Variants in PJVK observed in about 807,000 individuals in gnomAD.
PJVK encodes autosomal recessive deafness type 59 protein.
A neutral mutation model predicts 37.6 loss-of-function variants in PJVK; 33 were observed. That is an observed-to-expected ratio of 0.88 (90% CI 0.67 to 1.17). PJVK has a LOEUF of 1.17. Among genes scored for constraint, PJVK ranks in the 50% most tolerant of loss-of-function variants. The pLI is 0.00. For missense variants in PJVK, 410 were observed against 413.8 expected (o/e 0.99, Z 0.08); for synonymous variants, 141 against 143.5 (o/e 0.98, Z 0.13).
chr2:178,452,096 C>G (rs1268998818), intron 1 of PJVK, among the ~76,000 whole-genome samples: 2 of 151,974 alleles, frequency 1.3e-5, no homozygotes, highest in African/African-American at 4.8e-5. Flanking sequence ...AGTTCGAGAC[C>G]AGCCTGGCCA....
rs1284729307 is a variant in PJVK, at chr2:178,453,459, G to A, written c.50G>A (p.Gly17Glu). Residue 17 changes from glycine (G) to glutamate (E), a missense_variant, in exon 2 of 7, where the codon GGG becomes GAG. By Grantham distance (98) the Gly-to-Glu change is moderately conservative (BLOSUM62 -2). Coordinates refer to ENST00000644580, the MANE Select transcript of PJVK (RefSeq NM_001042702.5). ...KSFVKQVGDG[G>E]RLVPVPSLSE... ...TTTGTCAAGCAAGTTGGAGATGGAG[G>A]GAGATTAGTTCCTGTTCCAAGCCTC... 1 of 1,614,112 alleles carries A rather than the reference G, an allele frequency of 6.2e-7. No individual in the cohort carries two copies. Among genetic ancestry groups the A allele is most frequent in the Admixed American group, 1.7e-5 (1 of 60,024 alleles).
Position 178,451,629 on chromosome 2 carries a change from A to T in PJVK, c.-163A>T, listed in dbSNP as rs1697666722. ...CTGAAGCTTGAGACCCCGGATATAT[A>T]CGCTCCAGGGGGCTGCGGTGCGCTC... On this transcript the variant is annotated 5_prime_UTR_variant, in exon 1 of 7. Coordinates refer to ENST00000644580, the MANE Select transcript of PJVK (RefSeq NM_001042702.5). The T allele has an allele frequency of 5.0e-6, 1 of 200,124 alleles. No homozygotes were observed. The highest frequency in any genetic ancestry group is 1.9e-4 in the East Asian group (1 of 5,342). The allele number at this position is 200,124 out of a possible 1,614,324, so 12.4% of individuals were successfully genotyped here. A position where few individuals can be genotyped will look rare whatever the true frequency, so the allele number is the denominator to read the frequency against.
chr2:178,452,547 T>A (rs1261789743), intron 1 of PJVK: 1 of 985,310 alleles, frequency 1.0e-6, no homozygotes, highest in African/African-American at 1.7e-5. Flanking sequence ...ATAACACCTA[T>A]GGCAAAACAT....
intron 3 of PJVK, chr2:178,455,247 A>G: frequency 6.5e-7 from 1 of 1,534,632 alleles, no homozygotes; most frequent in East Asian, 2.3e-5. Flanking sequence ...ATTAACCCTG[A>G]GAATTCCAAG....
At chr2:178,458,166 G>A (rs1000415039) in intron 4 of PJVK, among the ~76,000 whole-genome samples, 1 of 151,944 alleles carries the variant, frequency 6.6e-6, no homozygotes, top group South Asian at 2.1e-4. Flanking sequence ...TGGTAGACAG[G>A]CTAGGCTGAA....
intron 1 of PJVK, 145 bp downstream of exon 1, chr2:178,451,914 G>T: frequency 1.1e-6 from 1 of 889,746 alleles, no homozygotes; most frequent in Non-Finnish European, 1.3e-6. Context: ...GGCTTGCTAG[G>T]CACTAGCAGA....
intron 6 of PJVK, 134 bp from the exon 7 acceptor site, chr2:178,460,848 C>CAAAAAAA (rs748779811): frequency 6.4e-6 from 2 of 310,292 alleles, no homozygotes; most frequent in Admixed American, 5.9e-5. Flanking sequence ...GACCCTGTCT[C>CAAAAAAA]AAAAAAAAAA....
chr2:178,454,692 T>C, intron 3 of PJVK, 165 bp downstream of exon 3: 3 of 1,477,498 alleles, frequency 2.0e-6, no homozygotes, highest in African/African-American at 1.4e-5. Context: ...TGAATAAGGA[T>C]AGATATCAAA....
intron 3 of PJVK, 116 bp from the exon 4 acceptor site, chr2:178,455,894 G>C: frequency 8.5e-7 from 1 of 1,176,954 alleles, no homozygotes; most frequent in Non-Finnish European, 1.2e-6. Flanking sequence ...TATTAGGATT[G>C]CCTTGATTTA....
At position 178,458,723 on chromosome 2, in the gene PJVK, GT is replaced by G; in HGVS notation, c.667+97del. 1.9e-6 allele frequency: 2 copies of G among 1,032,864 alleles called. 1 individual carries two copies. The highest frequency in any genetic ancestry group is 2.5e-5 in the South Asian group (2 of 78,846). The allele number at this position is 1,032,864 out of a possible 1,614,324, so 64.0% of individuals were successfully genotyped here. ...CTCTCTCTCTTTTCTCTCATTTCTC[GT>G]GTCTAACAATTATAGAAGATGCTCT... On this transcript the variant is annotated intron_variant, in intron 5 of 6. Transcript: ENST00000644580.
chr2:178,452,533 C>T, intron 1 of PJVK: 1 of 985,360 alleles, frequency 1.0e-6, no homozygotes, highest in Non-Finnish European at 1.2e-6. Context: ...TATATGAACT[C>T]CGCATAACAC....
Position 178,453,365 on chromosome 2 carries a change from A to G in PJVK, c.-22-23A>G, listed in dbSNP as rs199572377. ...TTGTGCCTGATTTTCCTCTTTAAAA[A>G]TGGATTTATCTGGGGGTTGCAGTTG... is the stretch of plus-strand genomic sequence containing the variant. On this transcript the variant is annotated intron_variant, in intron 1 of 6. Transcript: ENST00000644580. The G allele has an allele frequency of 1.3e-5, 21 of 1,603,834 alleles. No homozygotes were observed. In the African/African-American group the frequency reaches 2.7e-4, roughly 20 times the overall value.
intron 5 of PJVK, chr2:178,459,050 A>G (rs1684312802): frequency 2.4e-6 from 1 of 414,196 alleles, no homozygotes; most frequent in African/African-American, 2.1e-5. Context: ...AGCTTTTCTT[A>G]CTTCAGTTTT....
intron 4 of PJVK, among the ~76,000 whole-genome samples, chr2:178,457,489 G>T (rs1684192255): frequency 6.6e-6 from 1 of 152,120 alleles, no homozygotes; most frequent in Non-Finnish European, 1.5e-5. Context: ...GGTGGCACAT[G>T]CCTATAGTCC....
rs761206757 is a variant in PJVK at position 178,453,478 on chromosome 2, A to G, written c.69A>G (p.Pro23=). ...ATGGAGGGAGATTAGTTCCTGTTCC[A>G]AGCCTCAGTGAAGCTGACAAATATC... ...VGDGGRLVPV[P]SLSEADKYQP... Residue 23 remains proline (P), a synonymous_variant, in exon 2 of 7, where the codon CCA becomes CCG. Coordinates refer to ENST00000644580, the MANE Select transcript of PJVK (RefSeq NM_001042702.5). 1 of 1,614,192 alleles carries G rather than the reference A, an allele frequency of 6.2e-7. No homozygotes were observed. Among genetic ancestry groups the G allele is most frequent in the Admixed American group, 1.7e-5 (1 of 60,030 alleles).
Position 178,453,571 on chromosome 2 carries a change from A to C in PJVK, c.162A>C (p.Thr54=). The part of the protein sequence containing the change: ...FLFPRYKFTS[T]PFTLKDILLG... ...TTCCTAGATATAAATTTACTTCAACACCTTTTACACTGAAAGATATTCTCC... is the reference window on the plus strand; with the variant it reads ...TTCCTAGATATAAATTTACTTCAACCCCTTTTACACTGAAAGATATTCTCC... The change falls in exon 2 of 7, where the codon ACA becomes ACC. Residue 54 remains threonine, a synonymous_variant. Transcript: ENST00000644580. The C allele has an allele frequency of 6.2e-7, 1 of 1,613,954 alleles. No individual in the cohort carries two copies. The highest frequency in any genetic ancestry group is 8.5e-7 in the Non-Finnish European group (1 of 1,179,916).
chr2:178,452,351 G>A (rs1697735516), intron 1 of PJVK: 2 of 983,804 alleles, frequency 2.0e-6, no homozygotes, highest in Non-Finnish European at 2.4e-6. Flanking sequence ...AGCCCTGGAT[G>A]CTTGAAACAA....
rs1236565392 is a variant in PJVK, at chr2:178,460,995, G to T, written c.780G>T (p.Met260Ile). ...TTGTCCTTTTAGATAGAAGAGTGAT[G>T]GATGTCATTTCTCGTTCACAGCTTT... The part of the protein sequence containing the change: ...NILFERNRRV[M>I]DVISRSQLYL... The change falls in exon 7 of 7, where the codon ATG (methionine) becomes ATT (isoleucine). Residue 260 changes from methionine (M) to isoleucine (I), a missense_variant. By Grantham distance (10) the Met-to-Ile change is conservative. Coordinates refer to ENST00000644580, the MANE Select transcript of PJVK (RefSeq NM_001042702.5). The T allele has an allele frequency of 8.1e-6, 13 of 1,613,564 alleles. No individual in the cohort carries two copies. The highest frequency in any genetic ancestry group is 1.1e-5 in the Non-Finnish European group (13 of 1,179,976).
At position 178,461,082 on chromosome 2, in the gene PJVK, CA is replaced by C. The variant is rs745948712; in HGVS notation, c.870del (p.Glu291LysfsTer46). The C allele has an allele frequency of 1.9e-6, 3 of 1,614,034 alleles. No homozygotes were observed. In the African/African-American group the frequency reaches 4.0e-5, roughly 22 times the overall value. On this transcript the variant is annotated frameshift_variant, in exon 7 of 7. Transcript: ENST00000644580. LOFTEE classifies it high-confidence loss of function. Reference protein sequence around the residue: ...KPLSMTDISLKEGTHIRVNLL... With the variant: ...KPLSMTDISLXEGTHIRVNLL... ...CTCTCAGCATGACTGATATTTCACT[CA>C]AAGAAGGGACCCATATCCGAGTTAA...
Sources: gnomAD v4.1 joint callset for allele counts (sites outside exome capture counted in the v4.1 genomes callset) on GRCh38, gnomAD v4.1.1 for gene constraint, MANE v1.5 for transcripts, NCBI Gene and HGNC (gene_info 2026-07-23, HGNC 2026-07-21) for gene names.